The following VPS33A variants were observed in gnomAD, a reference collection of about 807,000 sequenced individuals.
The protein encoded by VPS33A is vacuolar protein sorting-associated protein 33A.
VPS33A carries 32 observed loss-of-function variants against 71.8 expected under a neutral mutation model. The observed-to-expected ratio is 0.45, with a 90% CI of 0.34 to 0.60. VPS33A has a LOEUF of 0.60. Ranked by LOEUF, VPS33A falls within the 20% of genes least tolerant of loss-of-function variation. The pLI is 0.02. For missense variants in VPS33A, 625 were observed against 748.5 expected (o/e 0.84, Z 1.92); for synonymous variants, 311 against 292.7 (o/e 1.06, Z -0.64).
chr12:122,241,265 A>C (rs1954710295), intron 8 of VPS33A: 1 of 152,144 alleles, frequency 6.6e-6, no homozygotes, highest in Non-Finnish European at 1.5e-5. Flanking sequence ...ATAATGAAAA[A>C]ATTTGAGTTA....
chr12:122,244,692 C>T lies in VPS33A; in HGVS notation c.846G>A (p.Thr282=), dbSNP rs951935789. Residue 282 remains threonine (T), a synonymous_variant, in exon 7 of 13, where the codon ACG becomes ACA. Coordinates refer to ENST00000267199, the MANE Select transcript of VPS33A (RefSeq NM_022916.6). Reference sequence around the variant, plus strand: ...AATTCAGCTGCAGCTTCTTTGCTTCCGTGGGGAGGTCCTTACCACCATCGC... The same window carrying T: ...AATTCAGCTGCAGCTTCTTTGCTTCTGTGGGGAGGTCCTTACCACCATCGC... The part of the protein sequence containing the change: ...KQGDGGKDLP[T]EAKKLQLNSA... 18 of 1,614,010 alleles carry T rather than the reference C, an allele frequency of 1.1e-5. No homozygotes were observed. In the Admixed American group the frequency reaches 1.8e-4, roughly 16 times the overall value.
chr12:122,250,826 G>A (rs1262300018), intron 5 of VPS33A, 157 bp downstream of exon 5: 2 of 633,570 alleles, frequency 3.2e-6, no homozygotes, highest in African/African-American at 3.6e-5. Flanking sequence ...TGACTTGGAG[G>A]GTTATAAGTG....
chr12:122,264,982 G>C (rs1296774233), intron 1 of VPS33A, among the ~76,000 whole-genome samples: 3 of 150,418 alleles, frequency 2.0e-5, no homozygotes. Context: ...TGGGGCAGTG[G>C]TGGAATCACA....
In VPS33A at chr12:122,229,765, A is replaced by G. The variant is rs1954535261; in HGVS notation, c.*2481T>C. On this transcript the variant is annotated 3_prime_UTR_variant, in exon 13 of 13. Transcript: ENST00000267199. ...ATGAACTTACACAAAGGCGTATAAT[A>G]TATAATTATCTACCATTTTCTATTT... 1 of 152,248 alleles carries G rather than the reference A, an allele frequency of 6.6e-6. No individual in the cohort carries two copies. The highest frequency in any genetic ancestry group is 1.5e-5 in the Non-Finnish European group (1 of 68,048). 9.4% of individuals were successfully genotyped at this position (152,248 alleles called of 1,614,324 possible).
At chr12:122,238,769 AT>A in intron 9 of VPS33A, 45 bp from the exon 10 acceptor site, 1 of 1,339,654 alleles carries the variant, frequency 7.5e-7, no homozygotes, top group Admixed American at 1.9e-5. Context: ...TTACATATAC[AT>A]ACACACACAC....
intron 6 of VPS33A, among the ~76,000 whole-genome samples, chr12:122,245,824 C>G (rs1257866373): frequency 6.6e-6 from 1 of 152,194 alleles, no homozygotes; most frequent in Non-Finnish European, 1.5e-5. Context: ...GCTACTTTCA[C>G]ATGACAATGA....
Position 122,250,988 on chromosome 12 carries a change from C to A in VPS33A, c.595G>T (p.Ala199Ser), listed in dbSNP as rs766050415. ...IPQIFGKGEC[A>S]RQVANMMIRM... The stretch of plus-strand genomic sequence containing the variant: ...ACAAAGCAGCCGGTTCTCACCCGAG[C>A]GCATTCTCCTTTCCCAAAGATCTGG... Residue 199 changes from alanine to serine, a missense_variant, in exon 5 of 13, where the codon GCT (alanine) becomes TCT (serine). Transcript: ENST00000267199. 1 of 1,613,048 alleles carries A rather than the reference C, an allele frequency of 6.2e-7. No homozygotes were observed. The highest frequency in any genetic ancestry group is 1.1e-5 in the South Asian group (1 of 91,040).
intron 6 of VPS33A, among the ~76,000 whole-genome samples, chr12:122,245,711 G>GCTGGATTA (rs1341141117): frequency 6.6e-6 from 1 of 152,158 alleles, no homozygotes; most frequent in African/African-American, 2.4e-5. Context: ...CTCCCAAAGT[G>GCTGGATTA]CTGGATTACA....
In VPS33A at chr12:122,242,369, A is replaced by G; in HGVS notation, c.1096+13T>C. 1 of 1,609,782 alleles carries G rather than the reference A, an allele frequency of 6.2e-7. No individual in the cohort carries two copies. ...AGCCCCAGACTGAAACAATCATTAC[A>G]AAGGATACTCACTAGTGACATCTTT... On this transcript the variant is annotated intron_variant, in intron 8 of 12. Coordinates refer to ENST00000267199, the MANE Select transcript of VPS33A (RefSeq NM_022916.6).
Position 122,242,279 on chromosome 12 carries a change from G to A in VPS33A, c.1096+103C>T. The A allele has an allele frequency of 2.9e-6, 4 of 1,402,384 alleles. No homozygotes were observed. The East Asian group carries it at 6.9e-5, about 24-fold the overall frequency. The allele number at this position is 1,402,384 out of a possible 1,614,324, so 86.9% of individuals were successfully genotyped here. On this transcript the variant is annotated intron_variant, in intron 8 of 12. Transcript: ENST00000267199. ...GAAGAACACGTGGTATTAAGACAGAGCTGACTCTCCCGAAGAGGCATTGTG... is the reference window on the plus strand; with the variant it reads ...GAAGAACACGTGGTATTAAGACAGAACTGACTCTCCCGAAGAGGCATTGTG...
rs762561173 is a variant in VPS33A at position 122,229,747 on chromosome 12, T to C, written c.*2499A>G. ...GACTGCTTCAAGTATTAAATGAACT[T>C]ACACAAAGGCGTATAATATATAATT... On this transcript the variant is annotated 3_prime_UTR_variant, in exon 13 of 13. Coordinates refer to ENST00000267199, the MANE Select transcript of VPS33A (RefSeq NM_022916.6). The C allele has an allele frequency of 1.3e-5, 2 of 152,256 alleles. No homozygotes were observed. The highest frequency in any genetic ancestry group is 2.9e-5 in the Non-Finnish European group (2 of 68,044). The allele number at this position is 152,256 out of a possible 1,614,324, so 9.4% of individuals were successfully genotyped here.
In VPS33A at chr12:122,235,698, G is replaced by A. The variant is rs1397012000; in HGVS notation, c.1440+88C>T. 1.5e-5 allele frequency: 22 copies of A among 1,456,356 alleles called. No homozygotes were observed. The East Asian group carries it at 4.9e-4, about 33-fold the overall frequency. 90.2% of individuals were successfully genotyped at this position (1,456,356 alleles called of 1,614,324 possible). ...TAGAAAATTGTTTTCAGAAAGCAAG[G>A]CAGATGTGTAGGTTCAGAAGCATGT... On this transcript the variant is annotated intron_variant, in intron 11 of 12. Transcript: ENST00000267199.
chr12:122,246,546 A>G (rs1954779347), intron 6 of VPS33A, among the ~76,000 whole-genome samples: 1 of 150,852 alleles, frequency 6.6e-6, no homozygotes, highest in African/African-American at 2.4e-5. Context: ...TGATCCGCTC[A>G]CCTCAACCTC....
rs5801475 is a variant in VPS33A at position 122,239,749 on chromosome 12, C to CA, written c.1164+128dup. On this transcript the variant is annotated intron_variant, in intron 9 of 12. Coordinates refer to ENST00000267199, the MANE Select transcript of VPS33A (RefSeq NM_022916.6). The stretch of plus-strand genomic sequence containing the variant: ...GGTGACACACAGTGAGACTCCGTCT[C>CA]AAAAAAAAAAAAAAAAAAAAAAAAA... 7.4e-3 allele frequency: 1,455 copies of CA among 197,466 alleles called. 11 individuals are homozygous for CA. The highest frequency in any genetic ancestry group is 0.011 in the Middle Eastern group (8 of 698). The allele number at this position is 197,466 out of a possible 1,614,324, so 12.2% of individuals were successfully genotyped here.
At chr12:122,263,752 A>AT in intron 2 of VPS33A, 53 bp from the exon 3 acceptor site, 2 of 1,505,790 alleles carry the variant, frequency 1.3e-6, no homozygotes, top group Non-Finnish European at 1.8e-6. Flanking sequence ...TTTACCTATA[A>AT]TTTTCAGACT....
At position 122,230,908 on chromosome 12, in the gene VPS33A, C is replaced by G. The variant is rs1954552098; in HGVS notation, c.*1338G>C. On this transcript the variant is annotated 3_prime_UTR_variant, in exon 13 of 13. Coordinates refer to ENST00000267199, the MANE Select transcript of VPS33A (RefSeq NM_022916.6). Reference sequence around the variant, plus strand: ...AGTAGCAGCAGCTGTGGCTGCTGGTCTCCAAGATCATCAAGAGATACACCT... The same window carrying G: ...AGTAGCAGCAGCTGTGGCTGCTGGTGTCCAAGATCATCAAGAGATACACCT... 3.9e-5 allele frequency: 6 copies of G among 152,238 alleles called. No individual in the cohort carries two copies. The highest frequency in any genetic ancestry group is 3.9e-4 in the Admixed American group (6 of 15,280). 9.4% of individuals were successfully genotyped at this position (152,238 alleles called of 1,614,324 possible). A position where few individuals can be genotyped will look rare whatever the true frequency, so the allele number is the denominator to read the frequency against.
chr12:122,258,117 C>T (rs1261680107), intron 4 of VPS33A, among the ~76,000 whole-genome samples: 2 of 151,950 alleles, frequency 1.3e-5, no homozygotes, highest in Admixed American at 6.6e-5. Flanking sequence ...AAGCTGGGCG[C>T]GGTGGGTCAC....
At chr12:122,262,621 T>C (rs1199044801) in intron 3 of VPS33A, among the ~76,000 whole-genome samples, 16 of 148,296 alleles carry the variant, frequency 1.1e-4, no homozygotes, top group African/African-American at 4.0e-4. Context: ...TTTTTTTTGC[T>C]TATGAAATTC....
intron 4 of VPS33A, among the ~76,000 whole-genome samples, chr12:122,257,947 A>G (rs1247225629): frequency 1.3e-5 from 2 of 152,178 alleles, no homozygotes; most frequent in African/African-American, 4.8e-5. Context: ...CAAGGGTACC[A>G]AAACAATTCA....
Sources: allele counts gnomAD v4.1 joint callset (sites outside exome capture counted in the v4.1 genomes callset), GRCh38; gene constraint gnomAD v4.1.1; transcripts MANE v1.5; gene names NCBI Gene and HGNC (gene_info 2026-07-23, HGNC 2026-07-21).